Variants in COL11A1 observed in about 807,000 individuals in gnomAD.
COL11A1 encodes the protein collagen alpha-1(XI) chain.
A neutral mutation model predicts 265.2 loss-of-function variants in COL11A1; 74 were observed. That is an observed-to-expected ratio of 0.28 (90% CI 0.23 to 0.34). The LOEUF is 0.34. Ranked by LOEUF, COL11A1 falls within the 10% of genes least tolerant of loss-of-function variation. The pLI, the probability that COL11A1 is intolerant of heterozygous loss-of-function variation, is 1.00. For missense variants in COL11A1, 2,165 were observed against 2,263.6 expected (o/e 0.96, Z 0.88); for synonymous variants, 816 against 727.6 (o/e 1.12, Z -1.96).
At chr1:102,987,819 G>C (rs1399054281) in intron 29 of COL11A1, 79 bp from the exon 30 acceptor site, 1 of 1,035,850 alleles carries the variant, frequency 9.7e-7, no homozygotes, top group African/African-American at 1.6e-5. Context: ...TTATGACAGT[G>C]AAAGAGATCT....
chr1:102,963,699 A>G (rs1435214723), intron 38 of COL11A1, among the ~76,000 whole-genome samples: 1 of 152,104 alleles, frequency 6.6e-6, no homozygotes, highest in Non-Finnish European at 1.5e-5. Flanking sequence ...TTGGGTATAC[A>G]TTTCTAGGTT....
intron 31 of COL11A1, among the ~76,000 whole-genome samples, chr1:102,981,059 G>A (rs1662988573): frequency 6.6e-6 from 1 of 152,092 alleles, no homozygotes; most frequent in Non-Finnish European, 1.5e-5. Flanking sequence ...TATTAAAGCA[G>A]GTCAATAAAA....
chr1:102,948,356 G>A (rs541540981), intron 41 of COL11A1, among the ~76,000 whole-genome samples: 10 of 152,162 alleles, frequency 6.6e-5, no homozygotes, highest in Admixed American at 6.5e-4. Context: ...CATATAACTA[G>A]TTAAGAGAAC....
At chr1:102,911,820 A>G (rs1654720184) in intron 54 of COL11A1, among the ~76,000 whole-genome samples, 1 of 152,156 alleles carries the variant, frequency 6.6e-6, no homozygotes, top group South Asian at 2.1e-4. Context: ...TGGACTTTTG[A>G]CAGCTCATCC....
rs188375430 is a variant in COL11A1, at chr1:103,099,237, A to G, written c.106+8836T>C. ...AATATAGTATAAAAACTATGTAACT[A>G]TATTCCAAAAGAATTTTACAACTAT... On this transcript the variant is annotated intron_variant, in intron 1 of 66. Coordinates refer to ENST00000370096, the MANE Select transcript of COL11A1 (RefSeq NM_001854.4). 6.2e-3 allele frequency among the ~76,000 whole-genome samples: 937 copies of G among 151,824 alleles called. 5 individuals are homozygous for G. Among genetic ancestry groups the G allele is most frequent in the Non-Finnish European group, 0.011 (717 of 67,764 alleles).
intron 57 of COL11A1, among the ~76,000 whole-genome samples, chr1:102,893,175 T>C (rs1475379021): frequency 6.6e-6 from 1 of 152,148 alleles, no homozygotes; most frequent in African/African-American, 2.4e-5. Context: ...CTCATCCCAT[T>C]CTAATAGAAA....
rs534819601 is a variant in COL11A1, at chr1:102,969,996, A to G, written c.2862+223T>C. On this transcript the variant is annotated intron_variant, in intron 37 of 66. Coordinates refer to ENST00000370096, the MANE Select transcript of COL11A1 (RefSeq NM_001854.4). Reference sequence around the variant, plus strand: ...CTTAAAATGCTGCTATTGACAATAAAAACAATCATATCAACTAACATCCTA... The same window carrying G: ...CTTAAAATGCTGCTATTGACAATAAGAACAATCATATCAACTAACATCCTA... Among the ~76,000 whole-genome samples the G allele has an allele frequency of 1.6e-3, 250 of 152,208 alleles. 1 individual carries two copies. The highest frequency in any genetic ancestry group is 0.01 in the Middle Eastern group (3 of 294).
intron 30 of COL11A1, among the ~76,000 whole-genome samples, chr1:102,986,531 G>T (rs1663568614): frequency 6.6e-6 from 1 of 152,108 alleles, no homozygotes; most frequent in Non-Finnish European, 1.5e-5. Context: ...CCTGCACGTT[G>T]TGCATTAAAG....
chr1:102,918,303 C>A (rs771746640), intron 49 of COL11A1, among the ~76,000 whole-genome samples: 1 of 151,672 alleles, frequency 6.6e-6, no homozygotes, highest in African/African-American at 2.4e-5. Flanking sequence ...ATGTATAAAT[C>A]TTAAGAAAAT....
intron 4 of COL11A1, among the ~76,000 whole-genome samples, chr1:103,034,624 G>GT (rs71592258): frequency 0.076 from 11,585 of 151,492 alleles, 494 homozygotes; most frequent in Middle Eastern, 0.14. Context: ...TGTTTTTTAC[G>GT]TTTTTTTTAA....
rs11164640 is a variant in COL11A1, at chr1:102,934,350, G to A, written c.3600+99C>T. ...ATAAACATTGTACCCAAGTTCTTAC[G>A]TAGAAAAAAAGAAAAAAATACTTTG... On this transcript the variant is annotated intron_variant, in intron 46 of 66. Coordinates refer to ENST00000370096, the MANE Select transcript of COL11A1 (RefSeq NM_001854.4). 57,430 of 813,616 alleles carry A rather than the reference G, an allele frequency of 0.071. 2,429 individuals are homozygous for A. The highest frequency in any genetic ancestry group is 0.088 in the Non-Finnish European group (42,386 of 480,350). The allele number at this position is 813,616 out of a possible 1,614,324, so 50.4% of individuals were successfully genotyped here.
intron 28 of COL11A1, among the ~76,000 whole-genome samples, chr1:102,995,195 G>A (rs1664508284): frequency 6.6e-6 from 1 of 151,922 alleles, no homozygotes; most frequent in African/African-American, 2.4e-5. Context: ...AATCTTTGAA[G>A]GATTTGGGGC....
intron 37 of COL11A1, among the ~76,000 whole-genome samples, chr1:102,966,706 C>CAT (rs1661433003): frequency 2.1e-5 from 1 of 47,266 alleles, no homozygotes; most frequent in Non-Finnish European, 4.6e-5. Flanking sequence ...TTTACATACA[C>CAT]ACATACCTAA....
chr1:102,950,682 A>G (rs1411990796), intron 41 of COL11A1, among the ~76,000 whole-genome samples: 4 of 152,152 alleles, frequency 2.6e-5, no homozygotes, highest in African/African-American at 9.7e-5. Flanking sequence ...CTGACATGGA[A>G]AGTCTTTGGT....
At chr1:103,046,196 T>C (rs1669250450) in intron 4 of COL11A1, among the ~76,000 whole-genome samples, 1 of 148,378 alleles carries the variant, frequency 6.7e-6, no homozygotes, top group East Asian at 2.0e-4. Flanking sequence ...ACTGCCACAC[T>C]GACTTCCACA....
chr1:103,044,426 C>T lies in COL11A1; in HGVS notation c.652-13182G>A, dbSNP rs1033191401. Among the ~76,000 whole-genome samples the T allele has an allele frequency of 9.9e-5, 15 of 152,154 alleles. No homozygotes were observed. The East Asian group carries it at 2.9e-3, about 29-fold the overall frequency. On this transcript the variant is annotated intron_variant, in intron 4 of 66. Transcript: ENST00000370096. ...CCAGCTTTGAGAAAATTAGCAGTGTCTTATATTACTTGAATGTACTTCTAA... is the reference window on the plus strand; with the variant it reads ...CCAGCTTTGAGAAAATTAGCAGTGTTTTATATTACTTGAATGTACTTCTAA...
chr1:102,907,992 A>G (rs891119977), intron 54 of COL11A1, among the ~76,000 whole-genome samples: 1 of 152,090 alleles, frequency 6.6e-6, no homozygotes, highest in African/African-American at 2.4e-5. Context: ...CTATTTCCCT[A>G]AAGTGGCAGT....
intron 21 of COL11A1, 30 bp from the exon 22 acceptor site, chr1:103,002,821 T>C (rs1665245335): frequency 6.2e-7 from 1 of 1,602,750 alleles, no homozygotes; most frequent in African/African-American, 1.3e-5. Flanking sequence ...TTTATGGTTG[T>C]TTATATGTTT....
intron 41 of COL11A1, among the ~76,000 whole-genome samples, chr1:102,948,144 C>T (rs901988542): frequency 4.0e-5 from 6 of 151,674 alleles, no homozygotes; most frequent in Admixed American, 2.6e-4. Context: ...TTTTATTAAC[C>T]AGGAAACTAA....
Sources: gnomAD v4.1 joint callset for allele counts (sites outside exome capture counted in the v4.1 genomes callset) on GRCh38, gnomAD v4.1.1 for gene constraint, MANE v1.5 for transcripts, NCBI Gene and HGNC (gene_info 2026-07-23, HGNC 2026-07-21) for gene names.